GPD1L: variants seen among roughly 807,000 people sequenced by gnomAD.
The protein encoded by GPD1L is glycerol-3-phosphate dehydrogenase 1 like.
GPD1L carries 17 observed loss-of-function variants against 32.9 expected under a neutral mutation model. The observed-to-expected ratio is 0.52, with a 90% CI of 0.35 to 0.78. GPD1L has a LOEUF of 0.78. Ranked by LOEUF, GPD1L falls within the 30% of genes least tolerant of loss-of-function variation. The probability of loss-of-function intolerance (pLI) is 0.01; values close to 1 mark genes in which losing one functional copy is unlikely to be tolerated. For synonymous variants in GPD1L, 187 were observed against 165.9 expected, an observed-to-expected ratio of 1.13 and a Z score of -0.98; for missense variants, 361 against 447.8, an observed-to-expected ratio of 0.81 and a Z score of 1.75.
At chr3:32,121,667 ATTTC>A (rs1700420075) in intron 1 of GPD1L, among the ~76,000 whole-genome samples, 1 of 135,392 alleles carries the variant, frequency 7.4e-6, no homozygotes, top group Non-Finnish European at 1.6e-5. Flanking sequence ...TTCTATATAT[ATTTC>A]TATGTGTATA....
At chr3:32,145,829 A>G (rs114349162) in intron 4 of GPD1L, among the ~76,000 whole-genome samples, 1 of 152,200 alleles carries the variant, frequency 6.6e-6, no homozygotes, top group Non-Finnish European at 1.5e-5. Flanking sequence ...AAATGAAAGA[A>G]CAGTAATGCT....
chr3:32,162,905 T>C (rs11916053), intron 7 of GPD1L, among the ~76,000 whole-genome samples: 144,251 of 152,128 alleles, frequency 0.95, 68,466 homozygotes, highest in African/African-American at 0.99. Flanking sequence ...ATTACAGGCG[T>C]GTGCCCCTAT....
chr3:32,144,822 AAC>A (rs60130762), intron 4 of GPD1L, among the ~76,000 whole-genome samples: 11,211 of 141,582 alleles, frequency 0.079, 714 homozygotes, highest in East Asian at 0.39. Context: ...AGTAGCTGGG[AAC>A]ACACACACAC....
intron 1 of GPD1L, among the ~76,000 whole-genome samples, chr3:32,110,153 C>T (rs957919327): frequency 2.6e-5 from 4 of 152,206 alleles, no homozygotes; most frequent in East Asian, 1.9e-4. Flanking sequence ...CTCCTGACGT[C>T]GTGATCTGCC....
At position 32,127,394 on chromosome 3, in the gene GPD1L, T is replaced by C. The variant is rs184757834; in HGVS notation, c.48-682T>C. 3.1e-3 allele frequency among the ~76,000 whole-genome samples: 478 copies of C among 152,296 alleles called. 3 individuals are homozygous for C. Among genetic ancestry groups the C allele is most frequent in the African/African-American group, 0.011 (454 of 41,546 alleles). On this transcript the variant is annotated intron_variant, in intron 1 of 7. Coordinates refer to ENST00000282541, the MANE Select transcript of GPD1L (RefSeq NM_015141.4). The stretch of plus-strand genomic sequence containing the variant: ...ATGGACACAGGTGCCTGGTCCAACC[T>C]CCTCTGCTGCGGCAACCACGTGCAG...
At chr3:32,108,993 G>C (rs1168473652) in intron 1 of GPD1L, among the ~76,000 whole-genome samples, 4 of 152,300 alleles carry the variant, frequency 2.6e-5, no homozygotes, top group Middle Eastern at 3.4e-3. Context: ...GGGACTACAG[G>C]CATCCGCCAC....
chr3:32,116,393 A>G (rs760704576), intron 1 of GPD1L, among the ~76,000 whole-genome samples: 5 of 152,228 alleles, frequency 3.3e-5, no homozygotes, highest in Non-Finnish European at 4.4e-5. Context: ...ATCTTATGGT[A>G]ACCTGCTTAA....
intron 1 of GPD1L, among the ~76,000 whole-genome samples, chr3:32,108,235 A>G (rs1277685102): frequency 6.6e-6 from 1 of 152,090 alleles, no homozygotes; most frequent in Admixed American, 6.6e-5. Flanking sequence ...AAAATAAAAT[A>G]TTAGTCGGGC....
chr3:32,121,058 T>C (rs895124383), intron 1 of GPD1L, among the ~76,000 whole-genome samples: 2 of 152,066 alleles, frequency 1.3e-5, no homozygotes, highest in African/African-American at 4.8e-5. Context: ...GTAAGGTATT[T>C]GAAACAGTGC....
intron 4 of GPD1L, among the ~76,000 whole-genome samples, chr3:32,144,998 TGG>T (rs1700799354): frequency 6.6e-6 from 1 of 150,758 alleles, no homozygotes; most frequent in African/African-American, 2.4e-5. Flanking sequence ...GCCACCGCGC[TGG>T]CTTATGACTG....
chr3:32,131,629 C>A (rs1336102815), intron 2 of GPD1L, among the ~76,000 whole-genome samples: 1 of 152,154 alleles, frequency 6.6e-6, no homozygotes, highest in African/African-American at 2.4e-5. Context: ...TATGGATGTC[C>A]CACATTTTGT....
At chr3:32,107,262 G>C (rs1007552572) in intron 1 of GPD1L, among the ~76,000 whole-genome samples, 5 of 152,152 alleles carry the variant, frequency 3.3e-5, no homozygotes, top group African/African-American at 1.2e-4. Context: ...TCTCGCCCCC[G>C]CTTCTGATAG....
Position 32,121,485 on chromosome 3 carries a change from CTCTCTA to C in GPD1L, c.48-6589_48-6584del, listed in dbSNP as rs1166118625. 2.1e-3 allele frequency among the ~76,000 whole-genome samples: 288 copies of C among 137,542 alleles called. 68 individuals are homozygous for C. The highest frequency in any genetic ancestry group is 7.3e-3 in the African/African-American group (261 of 35,948). The allele number at this position is 137,542 out of a possible 152,430, so 90.2% of individuals were successfully genotyped here. A position where few individuals can be genotyped will look rare whatever the true frequency, so the allele number is the denominator to read the frequency against. Reference sequence around the variant, plus strand: ...TATATATTTCTCTCTATATATATTTCTCTCTATATATATTTCTCTCTATATATATTT... The same window carrying C: ...TATATATTTCTCTCTATATATATTTCTATATATTTCTCTCTATATATATTT... On this transcript the variant is annotated intron_variant, in intron 1 of 7. Transcript: ENST00000282541.
chr3:32,124,220 C>G (rs921717164), intron 1 of GPD1L, among the ~76,000 whole-genome samples: 1 of 152,176 alleles, frequency 6.6e-6, no homozygotes, highest in African/African-American at 2.4e-5. Context: ...CGCACGCCAC[C>G]ATGCTCAGCT....
chr3:32,137,467 G>T (rs1025220817), intron 2 of GPD1L, among the ~76,000 whole-genome samples: 24 of 152,158 alleles, frequency 1.6e-4, no homozygotes, highest in Admixed American at 1.3e-4. Context: ...CAAAAGGAAG[G>T]AGAAGGACCT....
At chr3:32,117,596 C>G (rs765881433) in intron 1 of GPD1L, among the ~76,000 whole-genome samples, 1 of 152,142 alleles carries the variant, frequency 6.6e-6, no homozygotes, top group Non-Finnish European at 1.5e-5. Context: ...CAACAGAGAC[C>G]AAGTGCCAGG....
intron 1 of GPD1L, among the ~76,000 whole-genome samples, chr3:32,118,357 A>G (rs901838390): frequency 3.3e-5 from 5 of 152,214 alleles, no homozygotes; most frequent in African/African-American, 1.2e-4. Context: ...TACTATGTCA[A>G]CACTTCAATG....
At chr3:32,117,161 T>G (rs1465893912) in intron 1 of GPD1L, among the ~76,000 whole-genome samples, 1 of 152,238 alleles carries the variant, frequency 6.6e-6, no homozygotes, top group Non-Finnish European at 1.5e-5. Context: ...ATCTTCATTC[T>G]TTTTTATACT....
At chr3:32,164,643 G>C (rs929260222) in intron 7 of GPD1L, among the ~76,000 whole-genome samples, 1 of 152,150 alleles carries the variant, frequency 6.6e-6, no homozygotes, top group African/African-American at 2.4e-5. Flanking sequence ...GAGTTAGTAG[G>C]CTGTAGAGTC....
Sources: allele counts gnomAD v4.1 joint callset (sites outside exome capture counted in the v4.1 genomes callset), GRCh38; gene constraint gnomAD v4.1.1; transcripts MANE v1.5; gene names NCBI Gene and HGNC (gene_info 2026-07-23, HGNC 2026-07-21).